The following PNPLA7 variants were observed in gnomAD, a reference collection of about 807,000 sequenced individuals.
The protein encoded by PNPLA7 is patatin-like phospholipase domain-containing protein 7.
Under a neutral mutation model 161.7 loss-of-function variants are expected in PNPLA7, and 153 were observed. The observed-to-expected ratio is 0.95, with a 90% CI of 0.83 to 1.08. PNPLA7 has a LOEUF of 1.08. PNPLA7 is among the 50% of genes least tolerant of loss of function. The pLI is 0.00. For missense variants in PNPLA7, 1,739 were observed against 1,856.6 expected (o/e 0.94, Z 1.16); for synonymous variants, 809 against 782.1 (o/e 1.03, Z -0.57).
Position 137,524,664 on chromosome 9 carries a change from G to A in PNPLA7, c.748-1807C>T, listed in dbSNP as rs1380408879. 3.9e-5 allele frequency among the ~76,000 whole-genome samples: 6 copies of A among 152,228 alleles called. No homozygotes were observed. Among genetic ancestry groups the A allele is most frequent in the African/African-American group, 1.4e-4 (6 of 41,458 alleles). ...AACTGTCTCCTACAGCGGCTGCCGT[G>A]CTTTGCATTCTCACCAGCGGTGAGT... On this transcript the variant is annotated intron_variant, in intron 8 of 34. Coordinates refer to ENST00000406427, the MANE Select transcript of PNPLA7 (RefSeq NM_001098537.3). The surrounding 1 kb of genome is among the most constrained non-coding windows in gnomAD (Gnocchi z 4.4).
At chr9:137,501,828 G>A in intron 14 of PNPLA7, 101 bp from the exon 15 acceptor site, 1 of 1,228,826 alleles carries the variant, frequency 8.1e-7, no homozygotes, top group South Asian at 1.4e-5. Context: ...CGAGCGGTGA[G>A]GCCAGAGGCC....
At chr9:137,474,903 C>A (rs1588551692) in intron 25 of PNPLA7, among the ~76,000 whole-genome samples, 1 of 150,390 alleles carries the variant, frequency 6.6e-6, no homozygotes, top group Non-Finnish European at 1.5e-5. Flanking sequence ...CGCCTGTAGT[C>A]CCAGCTACTT....
intron 21 of PNPLA7, among the ~76,000 whole-genome samples, chr9:137,484,329 T>G (rs1468215038): frequency 6.6e-6 from 1 of 152,222 alleles, no homozygotes; most frequent in African/African-American, 2.4e-5. Context: ...TATCATCACA[T>G]GAAAACTTGT....
chr9:137,485,313 AAACC>A (rs1832421373), intron 20 of PNPLA7, among the ~76,000 whole-genome samples: 1 of 151,994 alleles, frequency 6.6e-6, no homozygotes, highest in Non-Finnish European at 1.5e-5. Flanking sequence ...TCATCGGAGT[AAACC>A]AGACAAACGC....
At position 137,497,206 on chromosome 9, in the gene PNPLA7, C is replaced by T. The variant is rs755074543; in HGVS notation, c.1994G>A (p.Arg665Gln). 7 of 1,585,332 alleles carry T rather than the reference C, an allele frequency of 4.4e-6. No homozygotes were observed. Among genetic ancestry groups the T allele is most frequent in the South Asian group, 1.2e-5 (1 of 86,436 alleles). ...ACCTACCACGCCGACGAGGTCTCCT[C>T]GGCCGTACTCCCCGGCCAGGCGCTT... The part of the protein sequence containing the change: ...GKKRLAGEYG[R>Q]GDLVGVVETL... The change falls in exon 18 of 35, where the codon CGA (arginine) becomes CAA (glutamine). Residue 665 changes from arginine to glutamine, a missense_variant. Physicochemically the swap from Arg to Gln is conservative, Grantham distance 43 (BLOSUM62 1). This residue lies in a region of PNPLA7 where 481 missense variants were observed against 450.0 expected (regional missense o/e 1.07). Transcript: ENST00000406427.
intron 12 of PNPLA7, among the ~76,000 whole-genome samples, chr9:137,513,809 A>G (rs1342298660): frequency 6.6e-6 from 1 of 152,260 alleles, no homozygotes; most frequent in Non-Finnish European, 1.5e-5. Context: ...CCTACAGCAC[A>G]TAAAGAATCA....
At chr9:137,480,263 T>C in intron 23 of PNPLA7, 49 bp downstream of exon 23, 1 of 1,580,292 alleles carries the variant, frequency 6.3e-7, no homozygotes, top group Non-Finnish European at 8.6e-7. Flanking sequence ...AAACAGGAGG[T>C]TCTGAAGAGA....
At chr9:137,536,323 A>G (rs917314384) in intron 8 of PNPLA7, among the ~76,000 whole-genome samples, 3 of 152,254 alleles carry the variant, frequency 2.0e-5, no homozygotes, top group Non-Finnish European at 4.4e-5. Context: ...AAGCAGCAGC[A>G]AGAGCCCTGT....
chr9:137,529,862 T>G (rs1032762657), intron 8 of PNPLA7, among the ~76,000 whole-genome samples: 7 of 152,054 alleles, frequency 4.6e-5, no homozygotes, highest in African/African-American at 1.7e-4. Context: ...TTTCACCATG[T>G]TGACCAGGCT....
chr9:137,521,803 G>T, intron 9 of PNPLA7, 87 bp from the exon 10 acceptor site: 2 of 1,204,410 alleles, frequency 1.7e-6, no homozygotes, highest in Admixed American at 2.3e-5. Flanking sequence ...ACTGAGAACC[G>T]TGCCCCAAAC....
In PNPLA7 at chr9:137,467,476, A is replaced by C; in HGVS notation, c.2883-3T>G. On this transcript the variant is annotated splice_polypyrimidine_tract_variant and splice_region_variant and intron_variant, in intron 25 of 34. Transcript: ENST00000406427. This position sits in a 1 kb window ranked among gnomAD's most constrained non-coding sequence, Gnocchi z 5.1. ...GAACGCCCACCTGGGCACAGCCTCT[A>C]CACCAGCCAGGGACACAGAGCAAGG... 6.2e-7 allele frequency: 1 copy of C among 1,612,604 alleles called. No individual in the cohort carries two copies. Among genetic ancestry groups the C allele is most frequent in the Non-Finnish European group, 8.5e-7 (1 of 1,179,832 alleles).
rs1833350695 is a variant in PNPLA7 at position 137,500,699 on chromosome 9, G to C, written c.1749C>G (p.His583Gln). Residue 583 changes from histidine to glutamine, a missense_variant, in exon 16 of 35, where the codon CAC (histidine) becomes CAG (glutamine). His to Gln is a conservative substitution (Grantham distance 24, BLOSUM62 0). Coordinates refer to ENST00000406427, the MANE Select transcript of PNPLA7 (RefSeq NM_001098537.3). The surrounding 1 kb of genome is among the most constrained non-coding windows in gnomAD (Gnocchi z 5.5). The stretch of plus-strand genomic sequence containing the variant: ...TGGCCCGTGGGACTCACTCATAGAA[G>C]TGGGCCTTGGAGATGGACAGGAAGC... ...DCSFLSISKA[H>Q]FYEIMRKQPT... 6.2e-7 allele frequency: 1 copy of C among 1,612,198 alleles called. No homozygotes were observed.
At chr9:137,460,773 C>T (rs1419250117) in intron 33 of PNPLA7, 36 bp from the exon 34 acceptor site, 1 of 1,564,804 alleles carries the variant, frequency 6.4e-7, no homozygotes, top group East Asian at 2.2e-5. Context: ...AGTCCCCTCC[C>T]AAGGAAGGGA....
intron 1 of PNPLA7, among the ~76,000 whole-genome samples, chr9:137,549,304 A>C (rs906418639): frequency 2.6e-5 from 4 of 152,062 alleles, no homozygotes; most frequent in African/African-American, 4.8e-5. Flanking sequence ...ACGGTGGCTC[A>C]TGCCTGTAAT....
At chr9:137,509,811 C>T (rs1014337408) in intron 12 of PNPLA7, 10 of 442,384 alleles carry the variant, frequency 2.3e-5, no homozygotes, top group Admixed American at 1.7e-4. Flanking sequence ...ACAGAGGACA[C>T]GAGCTGTTCC....
At chr9:137,516,237 G>T in intron 11 of PNPLA7, 2 of 854,268 alleles carry the variant, frequency 2.3e-6, no homozygotes, top group Non-Finnish European at 2.8e-6. Flanking sequence ...TTCTCAGGGC[G>T]TCCCATTGGT....
intron 20 of PNPLA7, among the ~76,000 whole-genome samples, chr9:137,485,713 G>A (rs924312389): frequency 2.0e-5 from 3 of 152,236 alleles, no homozygotes; most frequent in African/African-American, 4.8e-5. Flanking sequence ...CCCCGGAGAC[G>A]CGAGTGAGGG....
intron 32 of PNPLA7, 96 bp downstream of exon 32, chr9:137,461,832 TGAG>T (rs1013905886): frequency 2.2e-6 from 3 of 1,346,082 alleles, no homozygotes; most frequent in African/African-American, 2.9e-5. Flanking sequence ...GCCTGTGGCC[TGAG>T]GAGCTGGGCG....
At chr9:137,477,358 T>C (rs1373034210) in intron 25 of PNPLA7, among the ~76,000 whole-genome samples, 1 of 152,132 alleles carries the variant, frequency 6.6e-6, no homozygotes, top group African/African-American at 2.4e-5. Context: ...TTATCAAGTA[T>C]TGGAGTGAAG....
Sources: gnomAD v4.1 joint callset for allele counts (sites outside exome capture counted in the v4.1 genomes callset) on GRCh38, gnomAD v4.1.1 for gene constraint, gnomAD v4.1.1 regional missense constraint, Gnocchi (gnomAD v3.1) non-coding constraint, MANE v1.5 for transcripts, NCBI Gene and HGNC (gene_info 2026-07-23, HGNC 2026-07-21) for gene names.